CDH11: variants seen among roughly 807,000 people sequenced by gnomAD.
The protein encoded by CDH11 is cadherin 11, also known as cadherin-11.
CDH11 carries 11 observed loss-of-function variants against 67.8 expected under a neutral mutation model. The ratio of observed to expected loss-of-function variants is 0.16; its 90% CI spans 0.10 to 0.27. The LOEUF is 0.27. CDH11 is among the 10% of genes least tolerant of loss of function. The pLI is 1.00. For synonymous variants in CDH11, 419 were observed against 400.0 expected, an observed-to-expected ratio of 1.05 and a Z score of -0.57; for missense variants, 847 against 1,031.2, an observed-to-expected ratio of 0.82 and a Z score of 2.45.
At chr16:65,067,251 T>A (rs989605515) in intron 1 of CDH11, among the ~76,000 whole-genome samples, 2 of 151,606 alleles carry the variant, frequency 1.3e-5, no homozygotes, top group African/African-American at 4.8e-5. Flanking sequence ...CCTTTGAATT[T>A]TTACAGAACC....
At chr16:65,054,825 G>A (rs1193964116) in intron 1 of CDH11, among the ~76,000 whole-genome samples, 1 of 152,166 alleles carries the variant, frequency 6.6e-6, no homozygotes, top group East Asian at 1.9e-4. Flanking sequence ...GGCTTAAACA[G>A]CTTATTTCTT....
intron 2 of CDH11, among the ~76,000 whole-genome samples, chr16:65,045,568 C>T (rs910434416): frequency 1.3e-5 from 2 of 151,734 alleles, no homozygotes; most frequent in South Asian, 2.1e-4. Context: ...TAGTATAGCT[C>T]GTTCCCTTTA....
chr16:65,084,892 C>T (rs1476933219), intron 1 of CDH11, among the ~76,000 whole-genome samples: 1 of 152,108 alleles, frequency 6.6e-6, no homozygotes, highest in Non-Finnish European at 1.5e-5. Flanking sequence ...GTCCTATCCA[C>T]AGGTGCTTAA....
chr16:65,042,698 C>A (rs1056868895), intron 2 of CDH11, among the ~76,000 whole-genome samples: 1 of 152,172 alleles, frequency 6.6e-6, no homozygotes, highest in Non-Finnish European at 1.5e-5. Context: ...TCCCTTGGAC[C>A]TTATTCCATC....
chr16:65,017,739 G>T (rs2073340047), intron 2 of CDH11, among the ~76,000 whole-genome samples: 1 of 152,076 alleles, frequency 6.6e-6, no homozygotes, highest in Admixed American at 6.6e-5. Context: ...AGATCTGTAT[G>T]TTACCTATTC....
At chr16:65,043,138 C>A (rs532202359) in intron 2 of CDH11, among the ~76,000 whole-genome samples, 1 of 152,182 alleles carries the variant, frequency 6.6e-6, no homozygotes, top group Non-Finnish European at 1.5e-5. Context: ...ACCAGAGGTC[C>A]TTTTCTGTCT....
chr16:65,045,369 A>G (rs906182364), intron 2 of CDH11, among the ~76,000 whole-genome samples: 1 of 132,036 alleles, frequency 7.6e-6, no homozygotes, highest in South Asian at 2.5e-4. Context: ...ATATATATAT[A>G]TATGAACTGT....
rs1014428971 is a variant in CDH11 at position 65,101,302 on chromosome 16, A to T, written c.-298+20578T>A. Among the ~76,000 whole-genome samples, 10 of 152,150 alleles carry T rather than the reference A, an allele frequency of 6.6e-5. No homozygotes were observed. The South Asian group carries it at 8.3e-4, about 13-fold the overall frequency. ...AGAGACAGGCATGCACAAGCAGAGC[A>T]CCACAGCCAAAGGCACAGGTTCTTC... On this transcript the variant is annotated intron_variant, in intron 1 of 12. Transcript: ENST00000268603.
In CDH11 at chr16:65,005,284, G is replaced by C. The variant is rs181546599; in HGVS notation, c.-172-243C>G. The stretch of plus-strand genomic sequence containing the variant: ...ATATAAGTCTCTTAGCACAATGCCT[G>C]GTACATAGTAAGCACTCCATATTTA... On this transcript the variant is annotated intron_variant, in intron 2 of 12. Coordinates refer to ENST00000268603, the MANE Select transcript of CDH11 (RefSeq NM_001797.4). Among the ~76,000 whole-genome samples the C allele has an allele frequency of 4.8e-4, 73 of 152,220 alleles. 1 individual carries two copies. The highest frequency in any genetic ancestry group is 1.7e-3 in the African/African-American group (69 of 41,534).
chr16:64,970,742 T>C (rs2071982541), intron 11 of CDH11, among the ~76,000 whole-genome samples: 1 of 152,208 alleles, frequency 6.6e-6, no homozygotes. Flanking sequence ...ATTGCATGAA[T>C]ATAGCAATCT....
intron 1 of CDH11, among the ~76,000 whole-genome samples, chr16:65,117,491 G>A (rs1187505310): frequency 6.6e-6 from 1 of 151,676 alleles, no homozygotes; most frequent in African/African-American, 2.4e-5. Flanking sequence ...TCGCTGAGAA[G>A]AAAAAAAATC....
chr16:65,071,134 C>T (rs775686782), intron 1 of CDH11, among the ~76,000 whole-genome samples: 4 of 152,164 alleles, frequency 2.6e-5, no homozygotes, highest in Admixed American at 6.5e-5. Flanking sequence ...AGAGCTGACA[C>T]CTCGAGCAGA....
chr16:65,001,088 T>G (rs1397601676), intron 3 of CDH11, among the ~76,000 whole-genome samples: 1 of 152,072 alleles, frequency 6.6e-6, no homozygotes, highest in Non-Finnish European at 1.5e-5. Context: ...TGTTTCAATA[T>G]CCCCAAAGAT....
rs146531670 is a variant in CDH11, at chr16:65,082,038, C to A, written c.-297-28110G>T. ...CTTTCCAGGAGCTGCCTAACAGGCT[C>A]TCATCTTCCCATCTGAATGAATTCC... On this transcript the variant is annotated intron_variant, in intron 1 of 12. Transcript: ENST00000268603. Among the ~76,000 whole-genome samples, 363 of 152,276 alleles carry A rather than the reference C, an allele frequency of 2.4e-3. 2 individuals are homozygous for A. The highest frequency in any genetic ancestry group is 8.1e-3 in the African/African-American group (335 of 41,552).
At chr16:65,076,892 T>C (rs992778237) in intron 1 of CDH11, among the ~76,000 whole-genome samples, 1 of 152,118 alleles carries the variant, frequency 6.6e-6, no homozygotes, top group South Asian at 2.1e-4. Context: ...TATTCCATGG[T>C]GTATATGTGC....
chr16:65,041,449 G>C (rs191153700), intron 2 of CDH11, among the ~76,000 whole-genome samples: 2 of 151,872 alleles, frequency 1.3e-5, no homozygotes, highest in African/African-American at 4.8e-5. Context: ...CTGTCCAGTC[G>C]AGTGTAGCAA....
In CDH11 at chr16:64,998,800, T is replaced by C. The variant is rs765566438; in HGVS notation, c.285A>G (p.Glu95=). The C allele has an allele frequency of 1.2e-6, 2 of 1,613,962 alleles. No homozygotes were observed. The highest frequency in any genetic ancestry group is 1.7e-5 in the Admixed American group (1 of 59,988). The change falls in exon 4 of 13, where the codon GAA becomes GAG. Residue 95 remains glutamate (E), a synonymous_variant. Coordinates refer to ENST00000268603, the MANE Select transcript of CDH11 (RefSeq NM_001797.4). ...DGNIKYILSG[E]GAGTIFVIDD... ...CAATCACAAAAATGGTTCCAGCTCC[T>C]TCCCCTGAGAGAATGTATTTAATGT...
At chr16:65,064,631 T>A (rs1597150331) in intron 1 of CDH11, among the ~76,000 whole-genome samples, 1 of 152,166 alleles carries the variant, frequency 6.6e-6, no homozygotes, top group Admixed American at 6.5e-5. Context: ...TAAACAAACC[T>A]TTTTTTAACA....
chr16:64,960,834 A>AAG (rs932940340), intron 11 of CDH11, among the ~76,000 whole-genome samples: 1 of 151,714 alleles, frequency 6.6e-6, no homozygotes, highest in Admixed American at 6.6e-5. Flanking sequence ...GAATTTAAAA[A>AAG]AGAGAGAGAG....
Sources: gnomAD v4.1 joint callset for allele counts (sites outside exome capture counted in the v4.1 genomes callset) on GRCh38, gnomAD v4.1.1 for gene constraint, MANE v1.5 for transcripts, NCBI Gene and HGNC (gene_info 2026-07-23, HGNC 2026-07-21) for gene names.